CIC: variants seen among roughly 807,000 people sequenced by gnomAD.
CIC encodes the protein capicua transcriptional repressor.
Under a neutral mutation model 115.7 loss-of-function variants are expected in CIC, and 18 were observed. That is an observed-to-expected ratio of 0.16 (90% CI 0.11 to 0.23). CIC has a LOEUF of 0.23. CIC is among the 10% of genes least tolerant of loss of function. The pLI, the probability that CIC is intolerant of heterozygous loss-of-function variation, is 1.00. For missense variants in CIC, 2,000 were observed against 2,159.3 expected (o/e 0.93, Z 1.46); for synonymous variants, 1,076 against 923.0 (o/e 1.17, Z -3.01).
rs767634110 is a variant in CIC at position 42,292,305 on chromosome 19, C to A, written c.5741C>A (p.Thr1914Asn). The change falls in exon 14 of 21, where the codon ACC becomes AAC. Residue 1914 changes from threonine to asparagine, a missense_variant. By Grantham distance (65) the Thr-to-Asn change is moderately conservative. Around this residue, in one of 8 missense-constraint regions of CIC, gnomAD observed 1,466 missense variants for 1,390.4 expected, o/e 1.05. Coordinates refer to ENST00000681038, the MANE Select transcript of CIC (RefSeq NM_001386298.1). Reference sequence around the variant, plus strand: ...CATTTCCTCTCCTGCGGCAGAATCACCTATGTGCAGTCAGCGGGCGGGCAC... The same window carrying A: ...CATTTCCTCTCCTGCGGCAGAATCAACTATGTGCAGTCAGCGGGCGGGCAC... ...KVLLPSSTRI[T>N]YVQSAGGHAL... 3 of 1,613,274 alleles carry A rather than the reference C, an allele frequency of 1.9e-6. No individual in the cohort carries two copies. The highest frequency in any genetic ancestry group is 2.5e-6 in the Non-Finnish European group (3 of 1,180,028).
rs139892484 is a variant in CIC at position 42,273,451 on chromosome 19, G to A, written c.1668G>A (p.Thr556=). 7.8e-3 allele frequency: 3,128 copies of A among 398,520 alleles called. 21 individuals carry two copies. Among genetic ancestry groups the A allele is most frequent in the Middle Eastern group, 0.021 (34 of 1,590 alleles). The allele number at this position is 398,520 out of a possible 1,614,324, so 24.7% of individuals were successfully genotyped here. Residue 556 remains threonine, a synonymous_variant, in exon 2 of 21, where the codon ACG becomes ACA. Coordinates refer to ENST00000681038, the MANE Select transcript of CIC (RefSeq NM_001386298.1). ...PAAVAAREGS[T]EFDWGDETSR... The stretch of plus-strand genomic sequence containing the variant: ...CCGTGGCAGCCCGTGAGGGCAGCAC[G>A]GAGTTTGACTGGGGTGATGAGACGT...
chr19:42,292,274 C>T (rs758051264), intron 13 of CIC, 26 bp from the exon 14 acceptor site: 1 of 1,613,516 alleles, frequency 6.2e-7, no homozygotes. Context: ...TTACCTCACT[C>T]CTCCCCATTT....
Position 42,270,236 on chromosome 19 carries a change from C to T in CIC, c.-11+855C>T, listed in dbSNP as rs369330019. ...GGGCATTTGGGTGCCAGCCCCGGGA[C>T]GCCCTCCAGGCTCTGCCTGTGAGGA... On this transcript the variant is annotated intron_variant, in intron 1 of 20. Transcript: ENST00000681038. The surrounding 1 kb of genome is among the most constrained non-coding windows in gnomAD (Gnocchi z 4.1). 9.9e-5 allele frequency among the ~76,000 whole-genome samples: 15 copies of T among 152,272 alleles called. No homozygotes were observed. The highest frequency in any genetic ancestry group is 1.4e-4 in the African/African-American group (6 of 41,554).
At position 42,295,293 on chromosome 19, in the gene CIC, C is replaced by T; in HGVS notation, c.*102C>T. ...TCCTCCCGGGTAAAGCCATTTCGTC[C>T]TCTCCAGTTTGGGGCGGAATGAGGC... On this transcript the variant is annotated 3_prime_UTR_variant, in exon 21 of 21. Transcript: ENST00000681038. The T allele has an allele frequency of 2.7e-6, 3 of 1,098,594 alleles. No individual in the cohort carries two copies. The highest frequency in any genetic ancestry group is 1.4e-5 in the South Asian group (1 of 69,874). 68.1% of individuals were successfully genotyped at this position (1,098,594 alleles called of 1,614,324 possible). A position where few individuals can be genotyped will look rare whatever the true frequency, so the allele number is the denominator to read the frequency against.
At chr19:42,286,178 ACT>A (rs1255934806) in intron 2 of CIC, among the ~76,000 whole-genome samples, 1 of 151,844 alleles carries the variant, frequency 6.6e-6, no homozygotes, top group Non-Finnish European at 1.5e-5. Context: ...CAGGTCTGGC[ACT>A]CTGTGTTTGT....
Position 42,294,105 on chromosome 19 carries a change from G to T in CIC, c.6922+16G>T, listed in dbSNP as rs749952900. 1.2e-6 allele frequency: 2 copies of T among 1,613,682 alleles called. No individual in the cohort carries two copies. The highest frequency in any genetic ancestry group is 2.2e-5 in the South Asian group (2 of 91,088). On this transcript the variant is annotated intron_variant, in intron 18 of 20. Coordinates refer to ENST00000681038, the MANE Select transcript of CIC (RefSeq NM_001386298.1). ...AACTCCACGGGTAGGCGAGCATTGGGCACCCAGGGTCCTTAGGTGGAGGGC... is the reference window on the plus strand; with the variant it reads ...AACTCCACGGGTAGGCGAGCATTGGTCACCCAGGGTCCTTAGGTGGAGGGC...
chr19:42,282,345 G>A (rs1362744221), intron 2 of CIC, among the ~76,000 whole-genome samples: 2 of 152,206 alleles, frequency 1.3e-5, no homozygotes, highest in Non-Finnish European at 2.9e-5. Context: ...GTCTGCTCCT[G>A]TTGACCATCC....
In CIC at chr19:42,286,818, T is replaced by G. The variant is rs372002794; in HGVS notation, c.2842T>G (p.Ser948Ala). The change falls in exon 3 of 21, where the codon TCC (serine) becomes GCC (alanine). Residue 948 changes from serine (S) to alanine (A), a missense_variant. Transcript: ENST00000681038. ...CTCTGTGGCTGTGTTCCCTTGGCAC[T>G]CCTTAGTCCCCTTCCTGGCACCCAG... ...PRSVAVFPWH[S>A]LVPFLAPSQP... 4.0e-5 allele frequency: 65 copies of G among 1,613,840 alleles called. No homozygotes were observed. The highest frequency in any genetic ancestry group is 5.4e-5 in the Non-Finnish European group (64 of 1,179,988).
chr19:42,280,314 C>T lies in CIC; in HGVS notation c.2794+5737C>T, dbSNP rs1019807659. 8 of 152,232 alleles carry T rather than the reference C, an allele frequency of 5.3e-5. No homozygotes were observed. The highest frequency in any genetic ancestry group is 1.7e-4 in the African/African-American group (7 of 41,450). The allele number at this position is 152,232 out of a possible 1,614,324, so 9.4% of individuals were successfully genotyped here. The stretch of plus-strand genomic sequence containing the variant: ...TCGCGGCTGCAAGATGCTATCCCCC[C>T]TCTGAGCCTGTTTCTTGCGAAGTAG... On this transcript the variant is annotated intron_variant, in intron 2 of 20. Coordinates refer to ENST00000681038, the MANE Select transcript of CIC (RefSeq NM_001386298.1). The surrounding 1 kb of genome is among the most constrained non-coding windows in gnomAD (Gnocchi z 4.9).
Position 42,289,031 on chromosome 19 carries a change from G to A in CIC, c.3802G>A (p.Gly1268Arg), listed in dbSNP as rs777585940. Residue 1268 changes from glycine (G) to arginine (R), a missense_variant, in exon 8 of 21, where the codon GGG becomes AGG. Around this residue, in one of 8 missense-constraint regions of CIC, gnomAD observed 1,466 missense variants for 1,390.4 expected, o/e 1.05. Transcript: ENST00000681038. ...CCGGCCCCGAGCTTTCTCCCACAGC[G>A]GGGTACACAGCCTGGACGGCGGAGA... ...SARPRAFSHS[G>R]VHSLDGGEVD... 2.5e-6 allele frequency: 4 copies of A among 1,613,800 alleles called. No individual in the cohort carries two copies. Among genetic ancestry groups the A allele is most frequent in the Admixed American group, 1.7e-5 (1 of 60,034 alleles).
chr19:42,282,995 G>C (rs553271424), intron 2 of CIC, among the ~76,000 whole-genome samples: 2 of 152,156 alleles, frequency 1.3e-5, no homozygotes, highest in Non-Finnish European at 2.9e-5. Context: ...TGGCCAATGA[G>C]TGTCAGGGTG....
Position 42,287,401 on chromosome 19 carries a change from C to G in CIC, c.3261C>G (p.Pro1087=). The G allele has an allele frequency of 6.2e-7, 1 of 1,614,124 alleles. No homozygotes were observed. Among genetic ancestry groups the G allele is most frequent in the Non-Finnish European group, 8.5e-7 (1 of 1,180,044 alleles). Residue 1087 remains proline, a synonymous_variant, in exon 5 of 21, where the codon CCC becomes CCG. Coordinates refer to ENST00000681038, the MANE Select transcript of CIC (RefSeq NM_001386298.1). The surrounding 1 kb of genome is among the most constrained non-coding windows in gnomAD (Gnocchi z 8.7). ...GGACCCAGTCCCTCAGTGCCCTACC[C>G]AAGGAACGGGACTCATCTTCTGAGA... is the stretch of plus-strand genomic sequence containing the variant. ...KRRTQSLSAL[P]KERDSSSEKD...
rs141221923 is a variant in CIC at position 42,294,326 on chromosome 19, T to C, written c.7054+22T>C. On this transcript the variant is annotated intron_variant, in intron 19 of 20. Coordinates refer to ENST00000681038, the MANE Select transcript of CIC (RefSeq NM_001386298.1). ...ACAGGTGCCGTGGTGGGCAGAACTT[T>C]GGGGGCCTGGGGACCTGCAAGAGGA... 2.4e-5 allele frequency: 38 copies of C among 1,611,116 alleles called. No homozygotes were observed. In the African/African-American group the frequency reaches 2.9e-4, roughly 12 times the overall value.
At chr19:42,275,013 C>G (rs1450676092) in intron 2 of CIC, among the ~76,000 whole-genome samples, 2 of 152,154 alleles carry the variant, frequency 1.3e-5, no homozygotes, top group Admixed American at 6.5e-5. Flanking sequence ...TTCTAAAGAC[C>G]CTTTTCAAAT....
At position 42,292,178 on chromosome 19, in the gene CIC, T is replaced by G. The variant is rs1260102903; in HGVS notation, c.5706T>G (p.Pro1902=). The G allele has an allele frequency of 6.2e-7, 1 of 1,613,712 alleles. No homozygotes were observed. The highest frequency in any genetic ancestry group is 1.3e-5 in the African/African-American group (1 of 74,848). The change falls in exon 13 of 21, where the codon CCT becomes CCG. Residue 1902 remains proline (P), a synonymous_variant. Coordinates refer to ENST00000681038, the MANE Select transcript of CIC (RefSeq NM_001386298.1). The stretch of plus-strand genomic sequence containing the variant: ...CACTCCCTGGACCCACCTCTCAGCC[T>G]CAGAAGGTCCTGTTGCCCTCCTCCA... ...PATLPGPTSQ[P]QKVLLPSSTR...
rs373688363 is a variant in CIC at position 42,289,861 on chromosome 19, C to T, written c.4101C>T (p.Phe1367=). ...GDDDVIADDG[F]GTTDIDLKCK... ...CCACTCCCTCAGCTGACGATGGCTTCGGCACCACTGACATTGATCTCAAGT... is the reference window on the plus strand; with the variant it reads ...CCACTCCCTCAGCTGACGATGGCTTTGGCACCACTGACATTGATCTCAAGT... The change falls in exon 10 of 21, where the codon TTC becomes TTT. Residue 1367 remains phenylalanine (F), a synonymous_variant. Transcript: ENST00000681038. 8.2e-5 allele frequency: 132 copies of T among 1,604,070 alleles called. No homozygotes were observed. Among genetic ancestry groups the T allele is most frequent in the Middle Eastern group, 3.3e-4 (2 of 6,048 alleles).
intron 2 of CIC, chr19:42,284,420 C>G (rs1280280476): frequency 6.9e-6 from 1 of 145,350 alleles, no homozygotes; most frequent in Non-Finnish European, 1.5e-5. Context: ...TGCCGCGCGC[C>G]CCGTGACGGC....
Position 42,293,298 on chromosome 19 carries a change from C to A in CIC, c.6522+17C>A. The A allele has an allele frequency of 6.4e-7, 1 of 1,552,096 alleles. No homozygotes were observed. The highest frequency in any genetic ancestry group is 8.7e-7 in the Non-Finnish European group (1 of 1,151,378). ...GAGACCATGGTGAGCGCCTGCAGGCCGTGGGGCTCCCACTGCCACTTGGCT... is the reference window on the plus strand; with the variant it reads ...GAGACCATGGTGAGCGCCTGCAGGCAGTGGGGCTCCCACTGCCACTTGGCT... On this transcript the variant is annotated intron_variant, in intron 16 of 20. Transcript: ENST00000681038.
At position 42,295,563 on chromosome 19, in the gene CIC, CCCAGAG is replaced by C. The variant is rs2038455818; in HGVS notation, c.*373_*378del. 3.9e-6 allele frequency: 1 copy of C among 259,050 alleles called. No homozygotes were observed. The highest frequency in any genetic ancestry group is 1.2e-4 in the South Asian group (1 of 8,618). 16.0% of individuals were successfully genotyped at this position (259,050 alleles called of 1,614,324 possible). On this transcript the variant is annotated 3_prime_UTR_variant, in exon 21 of 21. Transcript: ENST00000681038. ...GGGGAGTTCATGCACCCCTTTTTTC[CCCAGAG>C]GGGCTGGACTCAGGTTAGTTTGGGG...
Sources: allele counts gnomAD v4.1 joint callset (sites outside exome capture counted in the v4.1 genomes callset), GRCh38; gene constraint gnomAD v4.1.1; regional missense constraint gnomAD v4.1.1; non-coding constraint Gnocchi (gnomAD v3.1); transcripts MANE v1.5; gene names NCBI Gene and HGNC (gene_info 2026-07-23, HGNC 2026-07-21).